CLIP1: variants seen among roughly 807,000 people sequenced by gnomAD.
CLIP1 encodes the protein CAP-Gly domain containing linker protein 1.
CLIP1 carries 66 observed loss-of-function variants against 161.6 expected under a neutral mutation model. The observed-to-expected ratio is 0.41, with a 90% CI of 0.33 to 0.50. The LOEUF (loss-of-function observed/expected upper bound fraction) is 0.50, where lower values mean the gene tolerates loss of function less well. Among genes scored for constraint, CLIP1 ranks in the 20% least tolerant of loss-of-function variants. The pLI, the probability that CLIP1 is intolerant of heterozygous loss-of-function variation, is 0.27. For missense variants in CLIP1, 1,376 were observed against 1,702.0 expected, an observed-to-expected ratio of 0.81 and a Z score of 3.37; for synonymous variants, 598 against 626.2, an observed-to-expected ratio of 0.96 and a Z score of 0.67.
intron 24 of CLIP1, chr12:122,276,671 G>A: frequency 3.1e-6 from 1 of 321,040 alleles, no homozygotes; most frequent in Non-Finnish European, 5.9e-6. Context: ...ATAAAATGTG[G>A]CTTTTGTACT....
At chr12:122,419,942 A>AAC (rs1161412816) in intron 1 of CLIP1, among the ~76,000 whole-genome samples, 1 of 151,426 alleles carries the variant, frequency 6.6e-6, no homozygotes, top group Non-Finnish European at 1.5e-5. Context: ...AAAAAAAAAA[A>AAC]AAAAGCAAGA....
intron 3 of CLIP1, among the ~76,000 whole-genome samples, chr12:122,372,207 G>GGTC (rs1186117295): frequency 6.6e-6 from 1 of 151,880 alleles, no homozygotes; most frequent in African/African-American, 2.4e-5. Context: ...GATCACCTGA[G>GGTC]GTCAGGAGTT....
intron 5 of CLIP1, among the ~76,000 whole-genome samples, chr12:122,356,849 G>A (rs150811258): frequency 0.1 from 15,155 of 152,196 alleles, 1,262 homozygotes; most frequent in East Asian, 0.45. Flanking sequence ...TGTGTTGGCC[G>A]GGCTGGTCTC....
intron 1 of CLIP1, among the ~76,000 whole-genome samples, chr12:122,412,261 G>A (rs1211182972): frequency 4.0e-5 from 6 of 150,604 alleles, no homozygotes; most frequent in Non-Finnish European, 8.9e-5. Flanking sequence ...ATGGAGTTTT[G>A]CCATGTTGCC....
chr12:122,397,790 A>G (rs1362042971), intron 1 of CLIP1, among the ~76,000 whole-genome samples: 1 of 151,536 alleles, frequency 6.6e-6, no homozygotes, highest in African/African-American at 2.4e-5. Context: ...TCTTTACTAA[A>G]AAAAAAATAT....
At position 122,290,717 on chromosome 12, in the gene CLIP1, T is replaced by G. The variant is rs566176091; in HGVS notation, c.3595-2176A>C. Among the ~76,000 whole-genome samples, 211 of 152,312 alleles carry G rather than the reference T, an allele frequency of 1.4e-3. 1 individual carries two copies. Among genetic ancestry groups the G allele is most frequent in the African/African-American group, 4.9e-3 (203 of 41,588 alleles). On this transcript the variant is annotated intron_variant, in intron 20 of 25. Coordinates refer to ENST00000620786, the MANE Select transcript of CLIP1 (RefSeq NM_001247997.2). ...CTCCCTCTTTCTTAGAGGGTCCATG[T>G]GCCTGAATTTCCAAGGAAGAGATGT...
intron 20 of CLIP1, among the ~76,000 whole-genome samples, chr12:122,298,596 C>CA (rs58917162): frequency 0.079 from 4,876 of 61,812 alleles, 240 homozygotes; most frequent in African/African-American, 0.18. Flanking sequence ...CACTCTGTCT[C>CA]AAAAAAAAAA....
intron 2 of CLIP1, among the ~76,000 whole-genome samples, chr12:122,379,706 G>T (rs1049734411): frequency 1.3e-5 from 2 of 150,198 alleles, no homozygotes; most frequent in African/African-American, 4.9e-5. Context: ...CACTTTGGGA[G>T]GCTGTGGTAG....
chr12:122,326,480 G>A (rs1199070110), intron 17 of CLIP1, among the ~76,000 whole-genome samples: 1 of 152,224 alleles, frequency 6.6e-6, no homozygotes, highest in Non-Finnish European at 1.5e-5. Context: ...AGGGGTTCGA[G>A]ACCAGCCTGA....
At chr12:122,330,964 G>A in intron 15 of CLIP1, among the ~76,000 whole-genome samples, 1 of 151,816 alleles carries the variant, frequency 6.6e-6, no homozygotes, top group Non-Finnish European at 1.5e-5. Context: ...TGAAACCTCA[G>A]GCTTCACCCC....
chr12:122,334,016 T>C lies in CLIP1; in HGVS notation c.2710+11A>G, dbSNP rs763384002. The stretch of plus-strand genomic sequence containing the variant: ...GTATTTAATGTTTAGTCACCAGAGA[T>C]GTCTTCTTACCTGCTAAGTTTTCTC... On this transcript the variant is annotated intron_variant, in intron 14 of 25. Coordinates refer to ENST00000620786, the MANE Select transcript of CLIP1 (RefSeq NM_001247997.2). The C allele has an allele frequency of 2.2e-5, 34 of 1,561,742 alleles. No individual in the cohort carries two copies. Among genetic ancestry groups the C allele is most frequent in the Non-Finnish European group, 2.6e-5 (29 of 1,132,670 alleles).
At chr12:122,360,321 C>A (rs1953710125) in intron 5 of CLIP1, among the ~76,000 whole-genome samples, 1 of 151,560 alleles carries the variant, frequency 6.6e-6, no homozygotes, top group Non-Finnish European at 1.5e-5. Context: ...GCCTGTAAAT[C>A]CCAACACTTT....
intron 24 of CLIP1, 195 bp downstream of exon 24, chr12:122,277,957 GAA>G (rs886192165): frequency 1.7e-6 from 1 of 605,778 alleles, no homozygotes; most frequent in African/African-American, 1.9e-5. Context: ...GAACTGAGCA[GAA>G]GAGAGAGAAG....
intron 1 of CLIP1, among the ~76,000 whole-genome samples, chr12:122,381,125 A>G (rs1249783852): frequency 1.3e-5 from 2 of 152,224 alleles, no homozygotes; most frequent in African/African-American, 4.8e-5. Flanking sequence ...TTCTTAGCTC[A>G]GTACAGTTCC....
At chr12:122,365,473 C>T (rs1450097943) in intron 3 of CLIP1, 34 of 785,354 alleles carry the variant, frequency 4.3e-5, no homozygotes, top group Non-Finnish European at 5.8e-5. Context: ...TCCTGAAACG[C>T]GTGAAGGAAA....
At chr12:122,410,358 G>A (rs1023723563) in intron 1 of CLIP1, among the ~76,000 whole-genome samples, 12 of 151,674 alleles carry the variant, frequency 7.9e-5, no homozygotes, top group African/African-American at 1.9e-4. Flanking sequence ...ATTTTCATTC[G>A]AAATGGTAAC....
Position 122,390,196 on chromosome 12 carries a change from T to A in CLIP1, c.-106-9638A>T, listed in dbSNP as rs1410496958. On this transcript the variant is annotated intron_variant, in intron 1 of 25. Transcript: ENST00000620786. ...AGATATATATATATATATATATATA[T>A]AATATATATATACACACATATATAT... Among the ~76,000 whole-genome samples, 245 of 98,882 alleles carry A rather than the reference T, an allele frequency of 2.5e-3. 1 individual carries two copies. Among genetic ancestry groups the A allele is most frequent in the African/African-American group, 7.2e-3 (230 of 32,022 alleles). 64.9% of individuals were successfully genotyped at this position (98,882 alleles called of 152,430 possible). A position where few individuals can be genotyped will look rare whatever the true frequency, so the allele number is the denominator to read the frequency against.
intron 11 of CLIP1, among the ~76,000 whole-genome samples, chr12:122,337,242 G>A (rs1026271150): frequency 1.3e-4 from 19 of 151,910 alleles, no homozygotes; most frequent in African/African-American, 4.4e-4. Flanking sequence ...GAGGTCAGGA[G>A]TTCAACACCA....
At chr12:122,288,985 T>C (rs1455939581) in intron 20 of CLIP1, among the ~76,000 whole-genome samples, 2 of 151,230 alleles carry the variant, frequency 1.3e-5, no homozygotes, top group Admixed American at 6.6e-5. Context: ...CCGGCTAATT[T>C]TTTGTATTTT....
Sources: allele counts gnomAD v4.1 joint callset (sites outside exome capture counted in the v4.1 genomes callset), GRCh38; gene constraint gnomAD v4.1.1; transcripts MANE v1.5; gene names NCBI Gene and HGNC (gene_info 2026-07-23, HGNC 2026-07-21).